The following CSMD3 variants were observed in gnomAD, a reference collection of about 807,000 sequenced individuals.
The protein encoded by CSMD3 is CUB and Sushi multiple domains 3.
Under a neutral mutation model 435.2 loss-of-function variants are expected in CSMD3, and 177 were observed. The ratio of observed to expected loss-of-function variants is 0.41; its 90% confidence interval spans 0.36 to 0.46. The LOEUF is 0.46. Ranked by LOEUF, CSMD3 falls within the 20% of genes least tolerant of loss-of-function variation. CSMD3 has a pLI of 0.34. For missense variants in CSMD3, 4,265 were observed against 4,504.6 expected (o/e 0.95, Z 1.52); for synonymous variants, 1,656 against 1,520.5 (o/e 1.09, Z -2.07).
chr8:112,746,417 T>C (rs2077426587), intron 13 of CSMD3, among the ~76,000 whole-genome samples: 1 of 152,154 alleles, frequency 6.6e-6, no homozygotes, highest in South Asian at 2.1e-4. Flanking sequence ...TTGATTGTGA[T>C]AGAGTCAGTA....
chr8:113,258,039 G>C (rs758109873), intron 3 of CSMD3, among the ~76,000 whole-genome samples: 55 of 152,162 alleles, frequency 3.6e-4, no homozygotes, highest in Non-Finnish European at 7.1e-4. Flanking sequence ...GTTGGCTGTA[G>C]TACACTATTA....
chr8:113,351,414 A>G (rs952037509), intron 1 of CSMD3, among the ~76,000 whole-genome samples: 4 of 152,168 alleles, frequency 2.6e-5, no homozygotes, highest in African/African-American at 9.6e-5. Context: ...TATAAAATAG[A>G]TAATTCTAAA....
At chr8:113,338,918 A>C (rs1442463399) in intron 1 of CSMD3, among the ~76,000 whole-genome samples, 1 of 151,920 alleles carries the variant, frequency 6.6e-6, no homozygotes, top group Non-Finnish European at 1.5e-5. Context: ...TTATTAATTA[A>C]GGTTTTCTTG....
chr8:113,310,490 A>G (rs1393537453), intron 2 of CSMD3: 1 of 152,012 alleles, frequency 6.6e-6, no homozygotes, highest in Non-Finnish European at 1.5e-5. Context: ...TTAAGAATAA[A>G]TGAATTATGT....
intron 32 of CSMD3, among the ~76,000 whole-genome samples, chr8:112,418,604 CA>C (rs1227004926): frequency 6.6e-6 from 1 of 151,976 alleles, no homozygotes; most frequent in East Asian, 1.9e-4. Context: ...TTATGAAAAA[CA>C]AATAAATAAA....
At chr8:112,876,108 C>CA (rs2081274738) in intron 10 of CSMD3, among the ~76,000 whole-genome samples, 1 of 151,928 alleles carries the variant, frequency 6.6e-6, no homozygotes, top group Non-Finnish European at 1.5e-5. Flanking sequence ...TGGGCACATA[C>CA]ACCCTCTTAA....
In CSMD3 at chr8:112,458,215, C is replaced by CACACACACACACACACACACA. The variant is rs1554579456; in HGVS notation, c.5395+14375_5395+14376insTGTGTGTGTGTGTGTGTGTGT. Among the ~76,000 whole-genome samples, 965 of 150,792 alleles carry CACACACACACACACACACACA rather than the reference C, an allele frequency of 6.4e-3. 10 individuals carry two copies. Among genetic ancestry groups the CACACACACACACACACACACA allele is most frequent in the Non-Finnish European group, 7.5e-3 (510 of 67,576 alleles). ...TACGTACACACACACACACTCACAC[C>CACACACACACACACACACACA]CACACACACACAGAGAAACAGAGAT... is the stretch of plus-strand genomic sequence containing the variant. On this transcript the variant is annotated intron_variant, in intron 32 of 70. Coordinates refer to ENST00000297405, the MANE Select transcript of CSMD3 (RefSeq NM_198123.2).
At chr8:113,316,440 A>G (rs1400525451) in intron 1 of CSMD3, among the ~76,000 whole-genome samples, 2 of 152,176 alleles carry the variant, frequency 1.3e-5, no homozygotes, top group Non-Finnish European at 2.9e-5. Flanking sequence ...AGAGTTGTAG[A>G]TTATGGCAGA....
At chr8:113,405,572 G>A (rs564717231) in intron 1 of CSMD3, among the ~76,000 whole-genome samples, 8 of 151,722 alleles carry the variant, frequency 5.3e-5, no homozygotes, top group African/African-American at 1.7e-4. Context: ...AACTAAGTCA[G>A]TTTCACAGGA....
intron 1 of CSMD3, among the ~76,000 whole-genome samples, chr8:113,406,173 G>A (rs1015205613): frequency 6.6e-6 from 1 of 151,754 alleles, no homozygotes; most frequent in African/African-American, 2.4e-5. Context: ...TATTAATTCT[G>A]GTTTGCAAAT....
At chr8:113,256,444 T>C (rs558990569) in intron 3 of CSMD3, among the ~76,000 whole-genome samples, 1 of 152,304 alleles carries the variant, frequency 6.6e-6, no homozygotes, top group South Asian at 2.1e-4. Flanking sequence ...AAAGGAATCA[T>C]TACAATTGAA....
At chr8:113,291,334 A>C (rs2093685086) in intron 2 of CSMD3, among the ~76,000 whole-genome samples, 1 of 151,834 alleles carries the variant, frequency 6.6e-6, no homozygotes, top group African/African-American at 2.4e-5. Flanking sequence ...AAAGTAACTC[A>C]TCATAATATT....
At chr8:112,765,781 G>A (rs1004524466) in intron 13 of CSMD3, among the ~76,000 whole-genome samples, 3 of 151,524 alleles carry the variant, frequency 2.0e-5, no homozygotes, top group African/African-American at 2.4e-5. Context: ...GCAACTCTGC[G>A]GTCCTGTATT....
At chr8:112,591,948 C>A (rs1189276601) in intron 22 of CSMD3, among the ~76,000 whole-genome samples, 1 of 151,780 alleles carries the variant, frequency 6.6e-6, no homozygotes, top group Non-Finnish European at 1.5e-5. Flanking sequence ...CCTAAAAAAG[C>A]AAAAATGTTG....
rs181299328 is a variant in CSMD3 at position 112,538,276 on chromosome 8, G to A, written c.4564+12395C>T. On this transcript the variant is annotated intron_variant, in intron 27 of 70. Transcript: ENST00000297405. ...GAAATGTCGACAGCCTTTTTTCTAA[G>A]ATCTGGAACAAGACAAGGCCAAGAA... is the stretch of plus-strand genomic sequence containing the variant. 9.9e-4 allele frequency among the ~76,000 whole-genome samples: 150 copies of A among 152,098 alleles called. 1 individual carries two copies. The highest frequency in any genetic ancestry group is 4.1e-4 in the Non-Finnish European group (28 of 67,976).
At chr8:112,570,761 G>A (rs1829437592) in intron 24 of CSMD3, among the ~76,000 whole-genome samples, 1 of 152,106 alleles carries the variant, frequency 6.6e-6, no homozygotes, top group Non-Finnish European at 1.5e-5. Context: ...ATACAGCTCA[G>A]AACCCAGCTG....
At chr8:112,834,945 C>T (rs2079978785) in intron 11 of CSMD3, among the ~76,000 whole-genome samples, 1 of 151,400 alleles carries the variant, frequency 6.6e-6, no homozygotes, top group South Asian at 2.1e-4. Context: ...TAAAATATAC[C>T]CTTAAAGTAT....
chr8:113,431,544 T>C (rs2094673246), intron 1 of CSMD3, among the ~76,000 whole-genome samples: 1 of 152,126 alleles, frequency 6.6e-6, no homozygotes, highest in Non-Finnish European at 1.5e-5. Context: ...ATAGACAAAA[T>C]ATTGAAGGTA....
chr8:113,299,103 A>G (rs767282261), intron 2 of CSMD3, among the ~76,000 whole-genome samples: 11 of 152,148 alleles, frequency 7.2e-5, no homozygotes, highest in Non-Finnish European at 1.5e-4. Flanking sequence ...TATTAGCCAA[A>G]AGCGTGCTCA....
Sources: allele counts gnomAD v4.1 joint callset (sites outside exome capture counted in the v4.1 genomes callset), GRCh38; gene constraint gnomAD v4.1.1; transcripts MANE v1.5; gene names NCBI Gene and HGNC (gene_info 2026-07-23, HGNC 2026-07-21).